The following PVALB variants were observed in gnomAD, a reference collection of about 807,000 sequenced individuals.
PVALB encodes the protein parvalbumin alpha.
Under a neutral mutation model 10.9 loss-of-function variants are expected in PVALB, and 11 were observed. The observed-to-expected ratio is 1.01, with a 90% CI of 0.63 to 1.67. The LOEUF is 1.67. Among genes scored for constraint, PVALB ranks in the 40% most tolerant of loss-of-function variants. PVALB has a pLI of 0.00. For missense variants in PVALB, 131 were observed against 136.2 expected (o/e 0.96, Z 0.19); for synonymous variants, 57 against 50.7 (o/e 1.12, Z -0.53).
At chr22:36,816,919 A>G in intron 1 of PVALB, 26 bp downstream of exon 1, 1 of 1,583,680 alleles carries the variant, frequency 6.3e-7, no homozygotes, top group South Asian at 1.1e-5. Flanking sequence ...GGGGAGAGGG[A>G]TGGGGAGGGG....
intron 2 of PVALB, among the ~76,000 whole-genome samples, chr22:36,814,268 AGTGTGT>A (rs36215449): frequency 0.25 from 36,535 of 147,938 alleles, 6,636 homozygotes; most frequent in African/African-American, 0.52. Flanking sequence ...AGCCTCTGTG[AGTGTGT>A]GTGTGTGTGT....
At chr22:36,810,887 A>T (rs1295147956) in intron 3 of PVALB, among the ~76,000 whole-genome samples, 1 of 152,202 alleles carries the variant, frequency 6.6e-6, no homozygotes, top group East Asian at 1.9e-4. Context: ...CCAAGTCCGT[A>T]CAAAATGCCT....
intron 3 of PVALB, among the ~76,000 whole-genome samples, chr22:36,806,750 G>C (rs1938956363): frequency 6.6e-6 from 1 of 152,202 alleles, no homozygotes; most frequent in African/African-American, 2.4e-5. Flanking sequence ...CTCTGTACCA[G>C]GCACCGCACG....
intron 3 of PVALB, among the ~76,000 whole-genome samples, chr22:36,804,275 C>T (rs1366940349): frequency 6.6e-6 from 1 of 152,140 alleles, no homozygotes; most frequent in Non-Finnish European, 1.5e-5. Flanking sequence ...CCAGGGACAC[C>T]AATGAGGGAC....
intron 3 of PVALB, among the ~76,000 whole-genome samples, chr22:36,807,605 C>G (rs973515454): frequency 6.6e-6 from 1 of 152,190 alleles, no homozygotes; most frequent in Middle Eastern, 3.2e-3. Context: ...GGAAAGGAAT[C>G]ATTTCTAGAA....
Position 36,800,784 on chromosome 22 carries a change from A to G in PVALB, c.*106T>C. The G allele has an allele frequency of 7.5e-7, 1 of 1,333,622 alleles. No individual in the cohort carries two copies. The highest frequency in any genetic ancestry group is 1.1e-6 in the Non-Finnish European group (1 of 925,340). 82.6% of individuals were successfully genotyped at this position (1,333,622 alleles called of 1,614,324 possible). Reference sequence around the variant, plus strand: ...GAGGGCCACAGGGGATGGGGGAGTAAAAAATAACATAAACGAACTGAACAG... The same window carrying G: ...GAGGGCCACAGGGGATGGGGGAGTAGAAAATAACATAAACGAACTGAACAG... On this transcript the variant is annotated 3_prime_UTR_variant, in exon 4 of 4. Transcript: ENST00000417718.
rs921822742 is a variant in PVALB at position 36,813,636 on chromosome 22, G to A, written c.304+10C>T. 9 of 1,603,290 alleles carry A rather than the reference G, an allele frequency of 5.6e-6. No homozygotes were observed. Among genetic ancestry groups the A allele is most frequent in the African/African-American group, 4.0e-5 (3 of 74,562 alleles). ...ACAATATGCCCAGACCCCAGGTCAC[G>A]GCTACCCACCGTCAACCCCAATTTT... On this transcript the variant is annotated intron_variant, in intron 3 of 3. Coordinates refer to ENST00000417718, the MANE Select transcript of PVALB (RefSeq NM_001315532.2).
chr22:36,800,769 G>C lies in PVALB; in HGVS notation c.*121C>G. ...AGAATGGTGTCATTAGAGGGCCACAGGGGATGGGGGAGTAAAAAATAACAT... is the reference window on the plus strand; with the variant it reads ...AGAATGGTGTCATTAGAGGGCCACACGGGATGGGGGAGTAAAAAATAACAT... On this transcript the variant is annotated 3_prime_UTR_variant, in exon 4 of 4. Transcript: ENST00000417718. 1 of 1,102,390 alleles carries C rather than the reference G, an allele frequency of 9.1e-7. No individual in the cohort carries two copies. Among genetic ancestry groups the C allele is most frequent in the East Asian group, 2.4e-5 (1 of 42,368 alleles). 68.3% of individuals were successfully genotyped at this position (1,102,390 alleles called of 1,614,324 possible).
intron 1 of PVALB, 38 bp downstream of exon 1, chr22:36,816,887 CAGGGGCGCGGGCGGTGGACG>C (rs894944487): frequency 6.8e-7 from 1 of 1,469,464 alleles, no homozygotes; most frequent in Admixed American, 1.8e-5. Flanking sequence ...CGGCGGAGTG[CAGGGGCGCGGGCGGTGGACG>C]AGGGGAGAGG....
chr22:36,805,456 C>G (rs746140525), intron 3 of PVALB, among the ~76,000 whole-genome samples: 1 of 152,214 alleles, frequency 6.6e-6, no homozygotes, highest in Non-Finnish European at 1.5e-5. Context: ...GCAGGAGGCT[C>G]TAAATGGTAT....
At chr22:36,809,440 T>TAA (rs1410099355) in intron 3 of PVALB, among the ~76,000 whole-genome samples, 2 of 152,000 alleles carry the variant, frequency 1.3e-5, no homozygotes, top group Non-Finnish European at 2.9e-5. Flanking sequence ...TATAGTAAAT[T>TAA]AAACTATGAA....
chr22:36,807,428 A>G (rs1938968988), intron 3 of PVALB, among the ~76,000 whole-genome samples: 1 of 152,164 alleles, frequency 6.6e-6, no homozygotes, highest in Non-Finnish European at 1.5e-5. Flanking sequence ...TCAAATCCCC[A>G]TAGAGGCCGG....
At chr22:36,801,448 G>A (rs984577933) in intron 3 of PVALB, among the ~76,000 whole-genome samples, 1 of 152,196 alleles carries the variant, frequency 6.6e-6, no homozygotes, top group African/African-American at 2.4e-5. Flanking sequence ...GAGATGCCAT[G>A]TCTCAGCCTG....
chr22:36,818,045 C>T (rs1939176027), upstream of PVALB, among the ~76,000 whole-genome samples: 1 of 152,114 alleles, frequency 6.6e-6, no homozygotes, highest in Non-Finnish European at 1.5e-5. Context: ...TGTGTTCTTC[C>T]CCATGGTTCC....
Position 36,813,757 on chromosome 22 carries a change from T to G in PVALB, c.195-2A>C. On this transcript the variant is annotated splice_acceptor_variant, in intron 2 of 3. Transcript: ENST00000417718. LOFTEE classifies it high-confidence loss of function. ...GGGGAGAAGCCTTTTAGGATGAATC[T>G]GGAGGAGAAAAGGGAGAAAGCCGGT... 1 of 1,607,702 alleles carries G rather than the reference T, an allele frequency of 6.2e-7. No homozygotes were observed. Among genetic ancestry groups the G allele is most frequent in the Non-Finnish European group, 8.5e-7 (1 of 1,174,254 alleles).
upstream of PVALB, chr22:36,817,062 C>T: frequency 5.3e-6 from 8 of 1,520,150 alleles, no homozygotes; most frequent in Non-Finnish European, 7.2e-6. Flanking sequence ...GTGCTTTTCT[C>T]ATCATTTCTG....
At chr22:36,803,494 C>G (rs1413932710) in intron 3 of PVALB, among the ~76,000 whole-genome samples, 2 of 151,874 alleles carry the variant, frequency 1.3e-5, no homozygotes, top group African/African-American at 2.4e-5. Flanking sequence ...CATAAATAAG[C>G]TCTGGGTGGA....
intron 3 of PVALB, among the ~76,000 whole-genome samples, chr22:36,808,210 C>A (rs1317998972): frequency 6.6e-6 from 1 of 152,176 alleles, no homozygotes; most frequent in Non-Finnish European, 1.5e-5. Context: ...TTGTATGTAT[C>A]AGTAACAAAA....
chr22:36,802,533 A>G (rs1381254328), intron 3 of PVALB, among the ~76,000 whole-genome samples: 1 of 143,030 alleles, frequency 7.0e-6, no homozygotes, highest in East Asian at 2.2e-4. Context: ...CACAGGAGGC[A>G]GAGGTTGCAG....
Sources: allele counts gnomAD v4.1 joint callset (sites outside exome capture counted in the v4.1 genomes callset), GRCh38; gene constraint gnomAD v4.1.1; transcripts MANE v1.5; gene names NCBI Gene and HGNC (gene_info 2026-07-23, HGNC 2026-07-21).